The following DLGAP2 variants were observed in gnomAD, a reference collection of about 807,000 sequenced individuals.
DLGAP2 encodes the protein DLG associated protein 2, also known as disks large-associated protein 2.
DLGAP2 carries 26 observed loss-of-function variants against 100.3 expected under a neutral mutation model. The ratio of observed to expected loss-of-function variants is 0.26; its 90% CI spans 0.19 to 0.36. The LOEUF is 0.36. DLGAP2 is among the 10% of genes least tolerant of loss of function. The pLI, the probability that DLGAP2 is intolerant of heterozygous loss-of-function variation, is 1.00. For synonymous variants in DLGAP2, 886 were observed against 630.1 expected (o/e 1.41, Z -6.08); for missense variants, 1,858 against 1,453.2 (o/e 1.28, Z -4.53).
intron 2 of DLGAP2, among the ~76,000 whole-genome samples, chr8:1,252,765 G>A (rs543209663): frequency 1.2e-4 from 19 of 152,382 alleles, no homozygotes; most frequent in South Asian, 8.3e-4. Context: ...GTTGAAGCGC[G>A]GCCGGATGTG....
chr8:1,693,045 AC>A (rs1243315823), intron 13 of DLGAP2, among the ~76,000 whole-genome samples: 1 of 148,202 alleles, frequency 6.7e-6, no homozygotes, highest in Non-Finnish European at 1.5e-5. Flanking sequence ...CTATATATAA[AC>A]ATATATAGGT....
chr8:1,242,149 A>G (rs1443908772), intron 2 of DLGAP2, among the ~76,000 whole-genome samples: 1 of 152,264 alleles, frequency 6.6e-6, no homozygotes, highest in Non-Finnish European at 1.5e-5. Flanking sequence ...TATAAACAAC[A>G]GAACATTAAT....
chr8:1,474,499 G>A (rs186481071), intron 3 of DLGAP2, among the ~76,000 whole-genome samples: 2 of 152,318 alleles, frequency 1.3e-5, no homozygotes, highest in African/African-American at 2.4e-5. Context: ...CCCACCAGCA[G>A]TGCAGAAGTG....
At chr8:999,229 T>G (rs1383893252) in intron 2 of DLGAP2, among the ~76,000 whole-genome samples, 3 of 151,756 alleles carry the variant, frequency 2.0e-5, no homozygotes, top group Admixed American at 6.6e-5. Flanking sequence ...GGTGGAGCTG[T>G]TTTGTCTCCT....
intron 2 of DLGAP2, among the ~76,000 whole-genome samples, chr8:1,027,103 GT>G (rs545029112): frequency 4.0e-5 from 6 of 151,310 alleles, no homozygotes; most frequent in African/African-American, 7.3e-5. Context: ...TTAGGGAAGG[GT>G]TTTTTTTTAC....
chr8:925,781 C>A (rs1363130923), intron 2 of DLGAP2, among the ~76,000 whole-genome samples: 2 of 152,144 alleles, frequency 1.3e-5, no homozygotes, highest in African/African-American at 4.8e-5. Flanking sequence ...ATCTGCTCAG[C>A]CAGCTGAAGG....
chr8:1,495,906 G>A (rs1276021849), intron 3 of DLGAP2, among the ~76,000 whole-genome samples: 5 of 152,152 alleles, frequency 3.3e-5, no homozygotes, highest in South Asian at 2.1e-4. Context: ...GGGTGCCGGC[G>A]CCCAGCCTGT....
At chr8:1,602,055 C>T (rs114870734) in intron 6 of DLGAP2, among the ~76,000 whole-genome samples, 342 of 151,948 alleles carry the variant, frequency 2.3e-3, no homozygotes, top group African/African-American at 8.0e-3. Flanking sequence ...CCTGCTGCAT[C>T]CCAGACTTGG....
intron 6 of DLGAP2, among the ~76,000 whole-genome samples, chr8:1,574,137 C>T (rs137967229): frequency 6.1e-4 from 93 of 152,206 alleles, no homozygotes; most frequent in African/African-American, 2.1e-3. Flanking sequence ...AGCATATTTA[C>T]GGGAGAGGGA....
In DLGAP2 at chr8:1,390,951, A is replaced by G. The variant is rs74525278; in HGVS notation, c.107-110415A>G. The stretch of plus-strand genomic sequence containing the variant: ...AATTAAACACAGTCAGCATGGCAGC[A>G]CTGAAATCAGAAAGACCCAGGGTCT... On this transcript the variant is annotated intron_variant, in intron 3 of 14. Transcript: ENST00000637795. Among the ~76,000 whole-genome samples, 551 of 152,346 alleles carry G rather than the reference A, an allele frequency of 3.6e-3. 11 individuals carry two copies. The East Asian group carries it at 0.051, about 14-fold the overall frequency.
chr8:1,460,917 C>T lies in DLGAP2; in HGVS notation c.107-40449C>T, dbSNP rs139088400. On this transcript the variant is annotated intron_variant, in intron 3 of 14. Transcript: ENST00000637795. ...TTGGGTCGGTAGGGATCAGAAAGGA[C>T]TCTCTCCAGAGCATAAACACAAGGG... 1.5e-3 allele frequency among the ~76,000 whole-genome samples: 233 copies of T among 152,320 alleles called. 3 individuals are homozygous for T. The highest frequency in any genetic ancestry group is 5.0e-3 in the African/African-American group (209 of 41,570).
chr8:1,008,738 C>A (rs928883436), intron 2 of DLGAP2, among the ~76,000 whole-genome samples: 1 of 152,310 alleles, frequency 6.6e-6, no homozygotes, highest in East Asian at 1.9e-4. Flanking sequence ...CCCCGCTCCC[C>A]CACCCCAGCA....
chr8:1,456,751 G>T (rs1354963988), intron 3 of DLGAP2, among the ~76,000 whole-genome samples: 1 of 149,890 alleles, frequency 6.7e-6, no homozygotes, highest in Non-Finnish European at 1.5e-5. Context: ...ACGTCAGCAG[G>T]CTGTGCCAGG....
chr8:1,222,647 G>T (rs971382969), intron 2 of DLGAP2, among the ~76,000 whole-genome samples: 3 of 151,994 alleles, frequency 2.0e-5, no homozygotes, highest in African/African-American at 7.2e-5. Context: ...ACGGTGGGGG[G>T]AGGCTGCTGG....
At chr8:794,739 A>C (rs1795990068) in intron 1 of DLGAP2, among the ~76,000 whole-genome samples, 1 of 152,132 alleles carries the variant, frequency 6.6e-6, no homozygotes, top group African/African-American at 2.4e-5. Flanking sequence ...TTTTGGGGCC[A>C]GTTTATGGCC....
At chr8:787,690 T>A (rs1387342301) in intron 1 of DLGAP2, among the ~76,000 whole-genome samples, 1 of 152,162 alleles carries the variant, frequency 6.6e-6, no homozygotes, top group Non-Finnish European at 1.5e-5. Context: ...GCCAAATGGC[T>A]TTCTCAGCAT....
intron 3 of DLGAP2, among the ~76,000 whole-genome samples, chr8:1,306,721 A>G (rs1158070081): frequency 6.6e-6 from 1 of 152,220 alleles, no homozygotes; most frequent in Admixed American, 6.5e-5. Context: ...GGAACAGAAT[A>G]GAGAGTCCAG....
intron 3 of DLGAP2, among the ~76,000 whole-genome samples, chr8:1,433,184 G>A (rs1405854785): frequency 2.6e-5 from 4 of 152,336 alleles, no homozygotes; most frequent in Admixed American, 2.6e-4. Context: ...TGCGGGACTT[G>A]GGTTCCATGA....
chr8:1,002,059 C>G (rs1291552562), intron 2 of DLGAP2: 1 of 152,180 alleles, frequency 6.6e-6, no homozygotes, highest in African/African-American at 2.4e-5. Flanking sequence ...CATAGATTTC[C>G]TCAATTGTCT....
Sources: allele counts gnomAD v4.1 joint callset (sites outside exome capture counted in the v4.1 genomes callset), GRCh38; gene constraint gnomAD v4.1.1; transcripts MANE v1.5; gene names NCBI Gene and HGNC (gene_info 2026-07-23, HGNC 2026-07-21).